HECW1: variants seen among roughly 807,000 people sequenced by gnomAD.
HECW1 encodes HECT, C2 and WW domain containing E3 ubiquitin protein ligase 1, also known as E3 ubiquitin-protein ligase HECW1.
HECW1 carries 61 observed loss-of-function variants against 182.3 expected under a neutral mutation model. That is an observed-to-expected ratio of 0.33 (90% CI 0.27 to 0.41). The LOEUF (loss-of-function observed/expected upper bound fraction) is 0.41, where lower values mean the gene tolerates loss of function less well. Among genes scored for constraint, HECW1 ranks in the 10% least tolerant of loss-of-function variants. HECW1 has a pLI of 1.00. For synonymous variants in HECW1, 859 were observed against 832.6 expected (o/e 1.03, Z -0.55); for missense variants, 1,739 against 2,108.9 (o/e 0.82, Z 3.44).
chr7:43,363,933 A>C (rs1351260810), intron 6 of HECW1, among the ~76,000 whole-genome samples: 1 of 152,164 alleles, frequency 6.6e-6, no homozygotes, highest in African/African-American at 2.4e-5. Context: ...TTCCGGGTTA[A>C]ATAAGCCTTT....
Position 43,412,723 on chromosome 7 carries a change from G to C in HECW1, c.801+4992G>C, listed in dbSNP as rs57950981. Among the ~76,000 whole-genome samples the C allele has an allele frequency of 1.6e-3, 243 of 151,278 alleles. 3 individuals carry two copies. In the East Asian group the frequency reaches 0.03, roughly 19 times the overall value. ...GCGGTGTTTGGTTTTTAGTTCTTGC[G>C]ATAGTTTACTGAGAATGATGATTTC... On this transcript the variant is annotated intron_variant, in intron 8 of 29. Transcript: ENST00000395891.
At chr7:43,361,224 G>C (rs113476634) in intron 6 of HECW1, among the ~76,000 whole-genome samples, 6 of 152,168 alleles carry the variant, frequency 3.9e-5, no homozygotes, top group Non-Finnish European at 5.9e-5. Context: ...GTGTGTTAGG[G>C]AGGAGCCAAG....
intron 2 of HECW1, among the ~76,000 whole-genome samples, chr7:43,144,674 T>C (rs746410417): frequency 6.6e-6 from 1 of 152,298 alleles, no homozygotes; most frequent in South Asian, 2.1e-4. Flanking sequence ...TTTTCTTGTT[T>C]CTTTGTCTGT....
At chr7:43,407,802 C>T (rs1196947367) in intron 8 of HECW1, 71 bp downstream of exon 8, 2 of 1,365,132 alleles carry the variant, frequency 1.5e-6, no homozygotes, top group Middle Eastern at 2.3e-4. Context: ...AGCCCTCCTC[C>T]TTCCCTCCAT....
Position 43,360,918 on chromosome 7 carries a change from G to T in HECW1, c.493G>T (p.Gly165Ter). 6.2e-7 allele frequency: 1 copy of T among 1,614,058 alleles called. No homozygotes were observed. The highest frequency in any genetic ancestry group is 8.5e-7 in the Non-Finnish European group (1 of 1,179,980). Residue 165 changes from glycine (G) to a stop codon, truncating the protein, a stop_gained, in exon 6 of 30, where the codon GGA becomes TGA. Coordinates refer to ENST00000395891, the MANE Select transcript of HECW1 (RefSeq NM_015052.5). LOFTEE classifies it high-confidence loss of function. ...TAAGATCTGCTTCAAATACTACCAT[G>T]GAGTGAGTGGGGCCCTGCGAGCAAC... The part of the protein sequence containing the change: ...ETKICFKYYH[G>*]VSGALRATTP...
chr7:43,287,400 A>G (rs536382189), intron 3 of HECW1, among the ~76,000 whole-genome samples: 1 of 152,280 alleles, frequency 6.6e-6, no homozygotes, highest in Admixed American at 6.5e-5. Context: ...AGGAAGAGCC[A>G]GGAGTCCAGG....
At chr7:43,514,442 C>A (rs2080039821) in intron 24 of HECW1, among the ~76,000 whole-genome samples, 1 of 152,030 alleles carries the variant, frequency 6.6e-6, no homozygotes, top group African/African-American at 2.4e-5. Flanking sequence ...GCACATGCCA[C>A]CACGCCCAGC....
chr7:43,236,328 A>G (rs187541708), intron 2 of HECW1, among the ~76,000 whole-genome samples: 10 of 151,456 alleles, frequency 6.6e-5, no homozygotes, highest in East Asian at 1.9e-4. Context: ...CATGGGGGGG[A>G]AAAGCTCAAA....
At chr7:43,405,281 T>A (rs1562939821) in intron 7 of HECW1, among the ~76,000 whole-genome samples, 1 of 152,158 alleles carries the variant, frequency 6.6e-6, no homozygotes, top group Non-Finnish European at 1.5e-5. Flanking sequence ...CACACTCTAA[T>A]AAGTCAGGAT....
chr7:43,295,369 G>A (rs886565227), intron 3 of HECW1, among the ~76,000 whole-genome samples: 9 of 152,142 alleles, frequency 5.9e-5, no homozygotes, highest in Non-Finnish European at 1.3e-4. Flanking sequence ...AGGCAGGTTG[G>A]CCCAAGACAA....
intron 3 of HECW1, among the ~76,000 whole-genome samples, chr7:43,282,365 T>A (rs1023800898): frequency 4.6e-5 from 7 of 152,222 alleles, no homozygotes; most frequent in Admixed American, 4.6e-4. Context: ...CTTCCTTCCC[T>A]GTGATGCCAT....
At chr7:43,469,470 C>G (rs2077929587) in intron 16 of HECW1, among the ~76,000 whole-genome samples, 1 of 152,176 alleles carries the variant, frequency 6.6e-6, no homozygotes, top group South Asian at 2.1e-4. Context: ...TGTTTGCCTC[C>G]TTAGACAGCT....
chr7:43,127,967 T>G (rs544894397), intron 2 of HECW1, among the ~76,000 whole-genome samples: 2 of 152,192 alleles, frequency 1.3e-5, no homozygotes, highest in African/African-American at 4.8e-5. Flanking sequence ...CAACCTCGGC[T>G]TCCTGGGCTC....
chr7:43,159,786 T>C (rs180966383), intron 2 of HECW1, among the ~76,000 whole-genome samples: 280 of 151,836 alleles, frequency 1.8e-3, no homozygotes, highest in Non-Finnish European at 3.4e-3. Context: ...TTCATGCCTT[T>C]CTCCTGCCTC....
intron 2 of HECW1, among the ~76,000 whole-genome samples, chr7:43,120,632 C>CTATTTATT (rs55689806): frequency 2.0e-5 from 3 of 151,638 alleles, no homozygotes; most frequent in Non-Finnish European, 4.4e-5. Flanking sequence ...TAAATCCCCT[C>CTATTTATT]TATTTATTTA....
chr7:43,131,017 A>C (rs907884153), intron 2 of HECW1, among the ~76,000 whole-genome samples: 1 of 152,112 alleles, frequency 6.6e-6, no homozygotes, highest in Non-Finnish European at 1.5e-5. Flanking sequence ...TGTAATCCTA[A>C]CACTTTGGGA....
chr7:43,178,252 C>T (rs1352696441), intron 2 of HECW1, among the ~76,000 whole-genome samples: 1 of 152,152 alleles, frequency 6.6e-6, no homozygotes, highest in Admixed American at 6.6e-5. Context: ...ATGATCTGCC[C>T]GTCTTGGCCT....
At chr7:43,122,649 CTTGAGAAAAAT>C (rs1410829107) in intron 2 of HECW1, among the ~76,000 whole-genome samples, 1 of 152,038 alleles carries the variant, frequency 6.6e-6, no homozygotes, top group African/African-American at 2.4e-5. Context: ...GTGTGACATC[CTTGAGAAAAAT>C]AGCGGAAATT....
intron 5 of HECW1, among the ~76,000 whole-genome samples, chr7:43,347,796 A>G (rs1328692098): frequency 6.6e-6 from 1 of 151,962 alleles, no homozygotes; most frequent in Admixed American, 6.6e-5. Context: ...TTTGTTTTCA[A>G]TTCTGTTTAT....
Sources: allele counts gnomAD v4.1 joint callset (sites outside exome capture counted in the v4.1 genomes callset), GRCh38; gene constraint gnomAD v4.1.1; transcripts MANE v1.5; gene names NCBI Gene and HGNC (gene_info 2026-07-23, HGNC 2026-07-21).